ADK: variants seen among roughly 807,000 people sequenced by gnomAD.
ADK encodes the protein adenosine kinase.
ADK carries 24 observed loss-of-function variants against 44.7 expected under a neutral mutation model. The observed-to-expected ratio is 0.54, with a 90% CI of 0.39 to 0.76. The LOEUF (loss-of-function observed/expected upper bound fraction) is 0.76, where lower values mean the gene tolerates loss of function less well. ADK is among the 30% of genes least tolerant of loss of function. ADK has a pLI of 0.00. For synonymous variants in ADK, 128 were observed against 142.6 expected, an observed-to-expected ratio of 0.90 and a Z score of 0.73; for missense variants, 321 against 425.1, an observed-to-expected ratio of 0.76 and a Z score of 2.15.
At chr10:74,631,273 T>G (rs1564827399) in intron 9 of ADK, among the ~76,000 whole-genome samples, 2 of 140,282 alleles carry the variant, frequency 1.4e-5, no homozygotes, top group Admixed American at 7.2e-5. Flanking sequence ...ATATATGATT[T>G]ATTTATTTTT....
Position 74,170,310 on chromosome 10 carries a change from A to T in ADK, c.65+18967A>T, listed in dbSNP as rs1438670685. Among the ~76,000 whole-genome samples the T allele has an allele frequency of 2.0e-5, 3 of 152,270 alleles. No individual in the cohort carries two copies. The East Asian group carries it at 5.8e-4, about 29-fold the overall frequency. On this transcript the variant is annotated intron_variant, in intron 1 of 10. Coordinates refer to ENST00000539909, the MANE Select transcript of ADK (RefSeq NM_006721.4). ...ATCATGAGGACACCTTATTTTTGTT[A>T]TTCCTGTCTTAAAGAATCTTTATAC...
chr10:74,388,716 C>A (rs1003228302), intron 4 of ADK, among the ~76,000 whole-genome samples: 1 of 152,032 alleles, frequency 6.6e-6, no homozygotes, highest in East Asian at 1.9e-4. Context: ...AGTCTGAGAC[C>A]TTGATTGACT....
intron 6 of ADK, among the ~76,000 whole-genome samples, chr10:74,420,497 A>G (rs1844521909): frequency 6.6e-6 from 1 of 152,146 alleles, no homozygotes; most frequent in Non-Finnish European, 1.5e-5. Flanking sequence ...TTTTTAATAA[A>G]TAGTTTTGGC....
intron 6 of ADK, among the ~76,000 whole-genome samples, chr10:74,468,743 A>G (rs1846447750): frequency 6.6e-6 from 1 of 152,204 alleles, no homozygotes; most frequent in African/African-American, 2.4e-5. Flanking sequence ...ATACACACAA[A>G]GATAGAATAA....
chr10:74,256,251 G>A (rs1471802920), intron 3 of ADK, among the ~76,000 whole-genome samples: 1 of 152,190 alleles, frequency 6.6e-6, no homozygotes, highest in African/African-American at 2.4e-5. Flanking sequence ...ATTTCATGGA[G>A]CGCCATGCTG....
At chr10:74,583,715 T>C (rs985223311) in intron 7 of ADK, among the ~76,000 whole-genome samples, 2 of 152,160 alleles carry the variant, frequency 1.3e-5, no homozygotes, top group Non-Finnish European at 2.9e-5. Flanking sequence ...ATAATTTGAA[T>C]GTGAAATTAC....
intron 7 of ADK, among the ~76,000 whole-genome samples, chr10:74,555,152 C>T (rs1240988697): frequency 1.3e-5 from 2 of 152,104 alleles, no homozygotes; most frequent in Non-Finnish European, 1.5e-5. Context: ...GAAAATTAGC[C>T]CTGCATGGCC....
At chr10:74,698,747 C>T (rs991297551) in intron 10 of ADK, among the ~76,000 whole-genome samples, 23 of 151,890 alleles carry the variant, frequency 1.5e-4, no homozygotes, top group African/African-American at 3.9e-4. Context: ...TTTGTAGGGA[C>T]GGAATTTTGC....
intron 6 of ADK, among the ~76,000 whole-genome samples, chr10:74,426,158 G>A (rs986480421): frequency 4.0e-5 from 6 of 151,788 alleles, no homozygotes; most frequent in African/African-American, 1.5e-4. Flanking sequence ...TATGATTTTT[G>A]TTAATATATA....
At chr10:74,278,426 A>G (rs1449617575) in intron 3 of ADK, among the ~76,000 whole-genome samples, 1 of 149,322 alleles carries the variant, frequency 6.7e-6, no homozygotes, top group African/African-American at 2.5e-5. Flanking sequence ...AGGTTTGTCC[A>G]TTTTTTTCCA....
intron 1 of ADK, among the ~76,000 whole-genome samples, chr10:74,197,308 A>G (rs1843192468): frequency 6.6e-6 from 1 of 152,192 alleles, no homozygotes; most frequent in South Asian, 2.1e-4. Context: ...ACCTTAACTG[A>G]ATTGTAATAT....
intron 6 of ADK, among the ~76,000 whole-genome samples, chr10:74,422,670 A>G (rs1844600634): frequency 6.6e-6 from 1 of 152,212 alleles, no homozygotes; most frequent in Non-Finnish European, 1.5e-5. Flanking sequence ...GGCTGACTAT[A>G]TTGACAAGAT....
intron 6 of ADK, among the ~76,000 whole-genome samples, chr10:74,464,190 GTGTTCA>G (rs1430247913): frequency 1.3e-5 from 2 of 152,014 alleles, no homozygotes; most frequent in Admixed American, 6.5e-5. Context: ...TATATCCTTT[GTGTTCA>G]AGTTTCTAGA....
intron 4 of ADK, among the ~76,000 whole-genome samples, chr10:74,319,051 A>G (rs1840725542): frequency 6.6e-6 from 1 of 152,326 alleles, no homozygotes. Context: ...GGCTCTAGTC[A>G]AGTATAGAAA....
At chr10:74,454,804 T>C (rs1389312925) in intron 6 of ADK, among the ~76,000 whole-genome samples, 1 of 152,228 alleles carries the variant, frequency 6.6e-6, no homozygotes, top group Non-Finnish European at 1.5e-5. Context: ...GTAAATGTAG[T>C]AAACTGGGTG....
intron 4 of ADK, among the ~76,000 whole-genome samples, chr10:74,366,904 T>G (rs1230614325): frequency 6.6e-6 from 1 of 152,220 alleles, no homozygotes; most frequent in Non-Finnish European, 1.5e-5. Flanking sequence ...CACTCCAGCC[T>G]AGGTAACAGA....
chr10:74,329,499 G>A (rs185446546), intron 4 of ADK, among the ~76,000 whole-genome samples: 14 of 152,300 alleles, frequency 9.2e-5, no homozygotes, highest in African/African-American at 3.4e-4. Context: ...GGTAGTTACT[G>A]TTGCCCACCT....
intron 10 of ADK, among the ~76,000 whole-genome samples, chr10:74,681,165 GA>G (rs956151036): frequency 1.3e-5 from 2 of 152,258 alleles, no homozygotes; most frequent in South Asian, 2.1e-4. Context: ...ATATCATTTA[GA>G]GTGTTTGTGC....
chr10:74,308,791 C>T (rs1840338898), intron 3 of ADK, among the ~76,000 whole-genome samples: 3 of 152,272 alleles, frequency 2.0e-5, no homozygotes, highest in South Asian at 2.1e-4. Context: ...CTGATGTTAA[C>T]ACAACGTGAG....
Sources: gnomAD v4.1 joint callset for allele counts (sites outside exome capture counted in the v4.1 genomes callset) on GRCh38, gnomAD v4.1.1 for gene constraint, MANE v1.5 for transcripts, NCBI Gene and HGNC (gene_info 2026-07-23, HGNC 2026-07-21) for gene names.